The following AP2B1 variants were observed in gnomAD, a reference collection of about 807,000 sequenced individuals.
AP2B1 encodes adaptor related protein complex 2 subunit beta 1.
AP2B1 carries 23 observed loss-of-function variants against 102.0 expected under a neutral mutation model. The ratio of observed to expected loss-of-function variants is 0.23; its 90% CI spans 0.16 to 0.32. The LOEUF is 0.32. Among genes scored for constraint, AP2B1 ranks in the 10% least tolerant of loss-of-function variants. The pLI, the probability that AP2B1 is intolerant of heterozygous loss-of-function variation, is 1.00. For synonymous variants in AP2B1, 381 were observed against 421.2 expected, an observed-to-expected ratio of 0.90 and a Z score of 1.17; for missense variants, 541 against 1,157.4, an observed-to-expected ratio of 0.47 and a Z score of 7.73.
intron 14 of AP2B1, among the ~76,000 whole-genome samples, chr17:35,663,371 A>C (rs1028545561): frequency 6.6e-6 from 1 of 152,218 alleles, no homozygotes; most frequent in South Asian, 2.1e-4. Context: ...AGAACAACTC[A>C]AGAAGATAAT....
intron 2 of AP2B1, among the ~76,000 whole-genome samples, chr17:35,594,765 A>G (rs554580108): frequency 6.6e-6 from 1 of 152,192 alleles, no homozygotes; most frequent in Non-Finnish European, 1.5e-5. Flanking sequence ...TATTACTCTC[A>G]TCATCTTTGT....
chr17:35,709,189 G>A (rs782201408), intron 18 of AP2B1, 35 bp from the exon 19 acceptor site: 10 of 1,591,864 alleles, frequency 6.3e-6, no homozygotes, highest in South Asian at 2.2e-5. Flanking sequence ...GGCTCCCTGC[G>A]ATGTCCTCAT....
chr17:35,703,834 A>AAGTTAATTTTTTTAAAAAAG (rs71152745), intron 18 of AP2B1, among the ~76,000 whole-genome samples: 2 of 152,004 alleles, frequency 1.3e-5, no homozygotes, highest in African/African-American at 4.8e-5. Context: ...CTTGAAATAA[A>AAGTTAATTTTTTTAAAAAAG]AGTTCAGTTT....
At chr17:35,608,787 A>G (rs1228304169) in intron 5 of AP2B1, among the ~76,000 whole-genome samples, 2 of 152,224 alleles carry the variant, frequency 1.3e-5, no homozygotes, top group Non-Finnish European at 2.9e-5. Flanking sequence ...CCTAATTATT[A>G]TCATGCATTT....
At chr17:35,713,271 C>G (rs117043388) in intron 20 of AP2B1, among the ~76,000 whole-genome samples, 37 of 152,352 alleles carry the variant, frequency 2.4e-4, no homozygotes, top group Non-Finnish European at 4.7e-4. Flanking sequence ...TCCAGTGATA[C>G]ACTGCTCTGT....
intron 18 of AP2B1, among the ~76,000 whole-genome samples, chr17:35,687,045 C>A (rs142209366): frequency 1.4e-3 from 210 of 152,276 alleles, no homozygotes; most frequent in African/African-American, 4.9e-3. Context: ...ATATCTCCTC[C>A]CACAAAGCCA....
Position 35,605,817 on chromosome 17 carries a change from ATGG to A in AP2B1, c.257_259del (p.Met86_Ala87delinsThr). 1 of 1,613,306 alleles carries A rather than the reference ATGG, an allele frequency of 6.2e-7. No homozygotes were observed. Among genetic ancestry groups the A allele is most frequent in the Non-Finnish European group, 8.5e-7 (1 of 1,179,770 alleles). On this transcript the variant is annotated inframe_deletion, in exon 4 of 22. Coordinates refer to ENST00000610402, the MANE Select transcript of AP2B1 (RefSeq NM_001030006.2). Reference sequence around the variant, plus strand: ...CAAGAGTCAGCCAGACATGGCCATCATGGCTGTAAACAGCTTTGTGAAGGTAAC... The same window carrying A: ...CAAGAGTCAGCCAGACATGGCCATCACTGTAAACAGCTTTGTGAAGGTAAC...
chr17:35,720,811 G>C (rs1013340011), intron 21 of AP2B1, among the ~76,000 whole-genome samples: 4 of 151,068 alleles, frequency 2.6e-5, no homozygotes, highest in Non-Finnish European at 5.9e-5. Flanking sequence ...TGGTGACTAG[G>C]TTCTCTGCCC....
intron 17 of AP2B1, among the ~76,000 whole-genome samples, chr17:35,680,685 G>GGTTTTTTTTT: frequency 1.7e-4 from 7 of 41,640 alleles, no homozygotes; most frequent in African/African-American, 4.9e-4. Flanking sequence ...CTATGGTTTT[G>GGTTTTTTTTT]GTTTTTTTTT....
chr17:35,689,786 G>A (rs1410328014), intron 18 of AP2B1, among the ~76,000 whole-genome samples: 1 of 152,140 alleles, frequency 6.6e-6, no homozygotes, highest in Non-Finnish European at 1.5e-5. Flanking sequence ...TGTGGCTAAT[G>A]GTTACTAGAT....
intron 9 of AP2B1, among the ~76,000 whole-genome samples, chr17:35,633,162 A>G (rs2074510497): frequency 6.6e-6 from 1 of 151,998 alleles, no homozygotes; most frequent in Non-Finnish European, 1.5e-5. Context: ...GGAGATCGAG[A>G]CATCCTGGTC....
chr17:35,710,648 C>T (rs1276479112), intron 20 of AP2B1, among the ~76,000 whole-genome samples: 1 of 152,196 alleles, frequency 6.6e-6, no homozygotes, highest in Admixed American at 6.5e-5. Flanking sequence ...CATGCACTCC[C>T]TTAGTAATTG....
intron 20 of AP2B1, among the ~76,000 whole-genome samples, chr17:35,715,810 G>A (rs2076539927): frequency 6.6e-6 from 1 of 152,166 alleles, no homozygotes; most frequent in Non-Finnish European, 1.5e-5. Flanking sequence ...TGGTGTCAGT[G>A]AAGACATTGG....
intron 17 of AP2B1, among the ~76,000 whole-genome samples, chr17:35,676,079 A>G (rs1282184207): frequency 6.6e-6 from 1 of 152,136 alleles, no homozygotes; most frequent in Non-Finnish European, 1.5e-5. Context: ...TTATCTGTAG[A>G]AGAAATTAAG....
chr17:35,626,263 T>C (rs527730317), intron 6 of AP2B1, among the ~76,000 whole-genome samples: 6 of 152,212 alleles, frequency 3.9e-5, no homozygotes, highest in Non-Finnish European at 8.8e-5. Context: ...TGAGTAGAAA[T>C]GGGCTGAGAG....
intron 14 of AP2B1, among the ~76,000 whole-genome samples, chr17:35,659,533 G>C (rs1180441509): frequency 6.6e-6 from 1 of 152,118 alleles, no homozygotes; most frequent in Non-Finnish European, 1.5e-5. Flanking sequence ...TGTATCAAAG[G>C]GAAAAGCTGT....
intron 18 of AP2B1, among the ~76,000 whole-genome samples, chr17:35,694,755 C>T (rs1370876957): frequency 2.0e-5 from 3 of 152,128 alleles, no homozygotes; most frequent in South Asian, 2.1e-4. Flanking sequence ...TGGTGGCACA[C>T]GCCTGTAATT....
intron 17 of AP2B1, among the ~76,000 whole-genome samples, chr17:35,675,973 G>A: frequency 6.6e-6 from 1 of 152,082 alleles, no homozygotes; most frequent in Non-Finnish European, 1.5e-5. Context: ...GATGATAAGT[G>A]CCTTAAGTCC....
chr17:35,617,267 G>A (rs542564272), intron 5 of AP2B1, among the ~76,000 whole-genome samples: 1 of 152,258 alleles, frequency 6.6e-6, no homozygotes, highest in East Asian at 1.9e-4. Context: ...TGTTGGCCAT[G>A]CTGGTCTTGA....
Sources: allele counts gnomAD v4.1 joint callset (sites outside exome capture counted in the v4.1 genomes callset), GRCh38; gene constraint gnomAD v4.1.1; transcripts MANE v1.5; gene names NCBI Gene and HGNC (gene_info 2026-07-23, HGNC 2026-07-21).